VAV3: variants seen among roughly 807,000 people sequenced by gnomAD.
The protein encoded by VAV3 is vav guanine nucleotide exchange factor 3, also known as guanine nucleotide exchange factor VAV3.
In VAV3, 94 loss-of-function variants were observed where a neutral mutation model predicts 131.2. The ratio of observed to expected loss-of-function variants is 0.72; its 90% CI spans 0.61 to 0.85. The LOEUF (loss-of-function observed/expected upper bound fraction) is 0.85. VAV3 is among the 40% of genes least tolerant of loss of function. The probability of loss-of-function intolerance (pLI) is 0.00; values close to 1 mark genes in which losing one functional copy is unlikely to be tolerated. For missense variants in VAV3, 939 were observed against 1,002.7 expected, an observed-to-expected ratio of 0.94 and a Z score of 0.86; for synonymous variants, 349 against 342.0, an observed-to-expected ratio of 1.02 and a Z score of -0.22.
At chr1:107,592,698 T>C (rs890759532) in intron 25 of VAV3, among the ~76,000 whole-genome samples, 15 of 152,098 alleles carry the variant, frequency 9.9e-5, no homozygotes, top group Non-Finnish European at 1.9e-4. Flanking sequence ...TTATAAAATC[T>C]CTAATTTCAT....
chr1:107,960,980 A>G (rs1675054755), intron 1 of VAV3, among the ~76,000 whole-genome samples: 1 of 151,770 alleles, frequency 6.6e-6, no homozygotes. Flanking sequence ...TTATACAGTC[A>G]TTTATTTATG....
intron 2 of VAV3, among the ~76,000 whole-genome samples, chr1:107,822,865 T>C (rs913230139): frequency 6.6e-6 from 1 of 152,142 alleles, no homozygotes; most frequent in Non-Finnish European, 1.5e-5. Flanking sequence ...CTAGGTAATA[T>C]GGACATGTGA....
At chr1:107,870,440 G>C (rs1303315933) in intron 2 of VAV3, among the ~76,000 whole-genome samples, 13 of 151,976 alleles carry the variant, frequency 8.6e-5, no homozygotes, top group Admixed American at 8.5e-4. Context: ...GTCTTCTTTT[G>C]AGAATTGTCT....
At chr1:107,750,013 G>GTGT (rs78092533) in intron 13 of VAV3, among the ~76,000 whole-genome samples, 98,064 of 151,734 alleles carry the variant, frequency 0.65, 32,210 homozygotes, top group East Asian at 0.94. Context: ...GCCTTGAGAA[G>GTGT]TGTTCATCCC....
At chr1:107,595,945 G>A (rs1557689409) in intron 25 of VAV3, among the ~76,000 whole-genome samples, 1 of 152,096 alleles carries the variant, frequency 6.6e-6, no homozygotes, top group African/African-American at 2.4e-5. Context: ...TGAAAAGTAT[G>A]AAATGTAAAT....
chr1:107,934,165 T>A (rs926021678), intron 1 of VAV3, among the ~76,000 whole-genome samples: 1 of 152,242 alleles, frequency 6.6e-6, no homozygotes, highest in African/African-American at 2.4e-5. Context: ...ACTCTATGGT[T>A]TATTCTTTAA....
chr1:107,714,429 ATACC>A (rs1660971374), intron 15 of VAV3, among the ~76,000 whole-genome samples: 1 of 152,178 alleles, frequency 6.6e-6, no homozygotes, highest in African/African-American at 2.4e-5. Flanking sequence ...TGATCCTTTT[ATACC>A]TAAAGTTAGA....
intron 10 of VAV3, among the ~76,000 whole-genome samples, chr1:107,757,685 A>G (rs935799489): frequency 6.6e-6 from 1 of 152,124 alleles, no homozygotes; most frequent in Admixed American, 6.5e-5. Flanking sequence ...TTTTAACTGC[A>G]TCCCTCCTTT....
intron 1 of VAV3, among the ~76,000 whole-genome samples, chr1:107,920,242 T>G (rs973419639): frequency 1.6e-4 from 24 of 152,316 alleles, no homozygotes; most frequent in African/African-American, 5.8e-4. Context: ...ACTGGCACAA[T>G]GCTACCATCT....
At chr1:107,953,526 G>A (rs1674654759) in intron 1 of VAV3, among the ~76,000 whole-genome samples, 1 of 152,138 alleles carries the variant, frequency 6.6e-6, no homozygotes, top group South Asian at 2.1e-4. Context: ...ATGCTGCCTT[G>A]ATATGTGTAA....
Position 107,922,914 on chromosome 1 carries a change from T to C in VAV3, c.204+41752A>G, listed in dbSNP as rs1185507681. The stretch of plus-strand genomic sequence containing the variant: ...TTGCAGTGAGCCGAGATCGCGCCAC[T>C]GCACTCCAGCCTGGGCGACAGAGCG... On this transcript the variant is annotated intron_variant, in intron 1 of 26. Transcript: ENST00000370056. Among the ~76,000 whole-genome samples the C allele has an allele frequency of 2.1e-5, 3 of 145,192 alleles. No individual in the cohort carries two copies. The South Asian group carries it at 6.5e-4, about 31-fold the overall frequency.
intron 19 of VAV3, among the ~76,000 whole-genome samples, chr1:107,676,983 C>T (rs1015170538): frequency 2.6e-5 from 4 of 152,146 alleles, no homozygotes; most frequent in African/African-American, 9.6e-5. Flanking sequence ...TTTCTAATAC[C>T]TATATAGAAG....
intron 19 of VAV3, chr1:107,669,421 C>T: frequency 7.8e-7 from 1 of 1,289,682 alleles, no homozygotes; most frequent in Non-Finnish European, 1.0e-6. Context: ...TTTTACAATG[C>T]TTCTAGTAGC....
intron 1 of VAV3, among the ~76,000 whole-genome samples, chr1:107,876,294 T>C (rs572524715): frequency 4.9e-4 from 75 of 152,200 alleles, no homozygotes; most frequent in Non-Finnish European, 9.4e-4. Flanking sequence ...AGGCTCTATA[T>C]GGAGGAGTGG....
At chr1:107,851,171 C>CA (rs35609784) in intron 2 of VAV3, among the ~76,000 whole-genome samples, 5,423 of 67,988 alleles carry the variant, frequency 0.08, 353 homozygotes, top group African/African-American at 0.22. Flanking sequence ...GACTCCGTCT[C>CA]AAAAAAAAAA....
At chr1:107,792,551 C>T (rs1666350282) in intron 2 of VAV3, among the ~76,000 whole-genome samples, 1 of 152,102 alleles carries the variant, frequency 6.6e-6, no homozygotes, top group Non-Finnish European at 1.5e-5. Context: ...AGTGGGAAGG[C>T]CCATTACATA....
At chr1:107,964,357 C>T (rs1675306170) in intron 1 of VAV3, 1 of 258,496 alleles carries the variant, frequency 3.9e-6, no homozygotes, top group Non-Finnish European at 7.3e-6. Flanking sequence ...CCCTTTGTCG[C>T]GCCACACACA....
chr1:107,821,875 A>G (rs1353418056), intron 2 of VAV3, among the ~76,000 whole-genome samples: 1 of 152,184 alleles, frequency 6.6e-6, no homozygotes, highest in Non-Finnish European at 1.5e-5. Flanking sequence ...AAAGAAAGTG[A>G]TTTATTCCAA....
At position 107,578,701 on chromosome 1, in the gene VAV3, C is replaced by T. The variant is rs1410404; in HGVS notation, c.2351-4503G>A. 267 of 880,150 alleles carry T rather than the reference C, an allele frequency of 3.0e-4. No individual in the cohort carries two copies. The African/African-American group carries it at 4.4e-3, about 15-fold the overall frequency. The allele number at this position is 880,150 out of a possible 1,614,324, so 54.5% of individuals were successfully genotyped here. On this transcript the variant is annotated intron_variant, in intron 25 of 26. Transcript: ENST00000370056. ...TCGGCTCACTGCAAGCTCCGCCTCCCGGGTTCACGCCATTCTCCTGCCTCA... is the reference window on the plus strand; with the variant it reads ...TCGGCTCACTGCAAGCTCCGCCTCCTGGGTTCACGCCATTCTCCTGCCTCA...
Sources: gnomAD v4.1 joint callset for allele counts (sites outside exome capture counted in the v4.1 genomes callset) on GRCh38, gnomAD v4.1.1 for gene constraint, MANE v1.5 for transcripts, NCBI Gene and HGNC (gene_info 2026-07-23, HGNC 2026-07-21) for gene names.